Variants in EXOC4 observed in about 807,000 individuals in gnomAD.
The protein encoded by EXOC4 is exocyst complex component 4, also known as SEC8-like 1.
In EXOC4, 71 loss-of-function variants were observed where a neutral mutation model predicts 107.2. That is an observed-to-expected ratio of 0.66 (90% confidence interval 0.55 to 0.81). The LOEUF (loss-of-function observed/expected upper bound fraction) is 0.81, where lower values mean the gene tolerates loss of function less well. Ranked by LOEUF, EXOC4 falls within the 30% of genes least tolerant of loss-of-function variation. The pLI is 0.00. For missense variants in EXOC4, 1,108 were observed against 1,189.6 expected, an observed-to-expected ratio of 0.93 and a Z score of 1.01; for synonymous variants, 456 against 441.2, an observed-to-expected ratio of 1.03 and a Z score of -0.42.
intron 10 of EXOC4, among the ~76,000 whole-genome samples, chr7:133,679,929 A>AT (rs1794151812): frequency 1.3e-5 from 2 of 152,236 alleles, no homozygotes; most frequent in South Asian, 4.1e-4. Context: ...CTGTCTCAAT[A>AT]TTAAATAGTG....
At chr7:133,578,933 A>C (rs1313371014) in intron 9 of EXOC4, among the ~76,000 whole-genome samples, 2 of 152,168 alleles carry the variant, frequency 1.3e-5, no homozygotes, top group Non-Finnish European at 2.9e-5. Context: ...CTCTGCCCCT[A>C]TCTGAGAAAA....
intron 7 of EXOC4, among the ~76,000 whole-genome samples, chr7:133,437,078 A>C (rs1797993191): frequency 1.3e-5 from 2 of 152,162 alleles, no homozygotes; most frequent in South Asian, 4.1e-4. Context: ...CTCATTTTAA[A>C]ATTTTTTGAT....
chr7:133,976,074 C>T (rs1340667640), intron 14 of EXOC4, among the ~76,000 whole-genome samples: 1 of 151,990 alleles, frequency 6.6e-6, no homozygotes, highest in Non-Finnish European at 1.5e-5. Context: ...ACAAAATGTC[C>T]GGGGGGCCTG....
intron 1 of EXOC4, among the ~76,000 whole-genome samples, chr7:133,257,315 C>T (rs572460393): frequency 3.9e-5 from 6 of 152,174 alleles, no homozygotes; most frequent in Middle Eastern, 6.8e-3. Context: ...CAGACACACA[C>T]CTACTTTTCT....
chr7:133,826,018 A>T (rs1480435470), intron 11 of EXOC4, among the ~76,000 whole-genome samples: 2 of 152,116 alleles, frequency 1.3e-5, no homozygotes, highest in Admixed American at 6.5e-5. Flanking sequence ...TACTCTTGTT[A>T]TTTTATTTAT....
chr7:133,299,077 A>G (rs985290166), intron 3 of EXOC4, among the ~76,000 whole-genome samples: 40 of 152,226 alleles, frequency 2.6e-4, no homozygotes, highest in African/African-American at 9.6e-4. Flanking sequence ...ATTGGAAAGA[A>G]CTAGGTTAAA....
At chr7:133,746,208 T>C (rs1795674337) in intron 10 of EXOC4, among the ~76,000 whole-genome samples, 1 of 152,198 alleles carries the variant, frequency 6.6e-6, no homozygotes, top group African/African-American at 2.4e-5. Flanking sequence ...TGTTAGCTTT[T>C]AATCAGTCTG....
At chr7:133,977,169 A>G (rs1420933528) in intron 14 of EXOC4, among the ~76,000 whole-genome samples, 1 of 152,252 alleles carries the variant, frequency 6.6e-6, no homozygotes, top group African/African-American at 2.4e-5. Flanking sequence ...AAATTGAGTG[A>G]CCTTGCTAAG....
chr7:133,876,625 C>T (rs1401313897), intron 11 of EXOC4, among the ~76,000 whole-genome samples: 1 of 151,924 alleles, frequency 6.6e-6, no homozygotes, highest in East Asian at 1.9e-4. Context: ...ACTGCCAGGG[C>T]TTTAGTCAGA....
In EXOC4 at chr7:133,559,748, T is replaced by G. The variant is rs567368246; in HGVS notation, c.1418-70297T>G. On this transcript the variant is annotated intron_variant, in intron 9 of 17. Coordinates refer to ENST00000253861, the MANE Select transcript of EXOC4 (RefSeq NM_021807.4). ...CTTTGTCTTCATTTCTCATTTCTTT[T>G]TCATATATCGGCTTCATTGTTCTTT... is the stretch of plus-strand genomic sequence containing the variant. Among the ~76,000 whole-genome samples the G allele has an allele frequency of 1.1e-3, 168 of 152,350 alleles. 6 individuals carry two copies. In the South Asian group the frequency reaches 0.033, roughly 30 times the overall value.
In EXOC4 at chr7:133,374,939, G is replaced by A. The variant is rs139805919; in HGVS notation, c.1119G>A (p.Gln373=). 6.3e-5 allele frequency: 101 copies of A among 1,614,054 alleles called. No individual in the cohort carries two copies. In the African/African-American group the frequency reaches 7.5e-4, roughly 12 times the overall value. ...LQDTVVTPLT[Q]QEDIKLYDMA... Reference sequence around the variant, plus strand: ...ACACTGTAGTGACTCCACTGACTCAGCAGGAAGATATCAAACTGTATGATA... The same window carrying A: ...ACACTGTAGTGACTCCACTGACTCAACAGGAAGATATCAAACTGTATGATA... Residue 373 remains glutamine, a synonymous_variant, in exon 7 of 18, where the codon CAG becomes CAA. Transcript: ENST00000253861.
At chr7:133,832,190 A>G (rs183475812) in intron 11 of EXOC4, among the ~76,000 whole-genome samples, 2 of 152,326 alleles carry the variant, frequency 1.3e-5, no homozygotes, top group East Asian at 3.9e-4. Context: ...TTCTAGTGTT[A>G]CTTAGGTCAG....
chr7:133,918,076 G>A (rs1256818173), intron 13 of EXOC4, among the ~76,000 whole-genome samples: 2 of 151,204 alleles, frequency 1.3e-5, no homozygotes, highest in Non-Finnish European at 2.9e-5. Context: ...TCCACCTCCT[G>A]GGTTCACGCC....
chr7:133,994,757 T>TTGTGTGTG (rs68167254), intron 14 of EXOC4, among the ~76,000 whole-genome samples: 39 of 148,590 alleles, frequency 2.6e-4, no homozygotes, highest in African/African-American at 8.9e-4. Context: ...GTACAAGGTT[T>TTGTGTGTG]TGTGTGTGTG....
At chr7:133,325,942 C>T (rs1476581550) in intron 5 of EXOC4, among the ~76,000 whole-genome samples, 2 of 152,188 alleles carry the variant, frequency 1.3e-5, no homozygotes, top group Non-Finnish European at 2.9e-5. Context: ...AACTTCTCTT[C>T]TTGCTTCATT....
intron 9 of EXOC4, among the ~76,000 whole-genome samples, chr7:133,565,743 TG>T (rs556508398): frequency 1.2e-3 from 176 of 152,358 alleles, no homozygotes; most frequent in Non-Finnish European, 2.2e-3. Flanking sequence ...TCTGGGTTTT[TG>T]TTTTTGTTTG....
chr7:134,036,610 T>C (rs1245516294), intron 17 of EXOC4, among the ~76,000 whole-genome samples: 1 of 152,100 alleles, frequency 6.6e-6, no homozygotes. Flanking sequence ...AGAGAGAGAA[T>C]TCTCAGAACT....
chr7:133,598,105 A>G lies in EXOC4; in HGVS notation c.1418-31940A>G, dbSNP rs111380958. Among the ~76,000 whole-genome samples the G allele has an allele frequency of 3.0e-3, 451 of 152,260 alleles. 1 individual carries two copies. Among genetic ancestry groups the G allele is most frequent in the African/African-American group, 0.011 (438 of 41,552 alleles). ...AGACAAAAGGCTTATACCAGCTATCATGTCAGGAATATTCTAAGAAGCTAC... is the reference window on the plus strand; with the variant it reads ...AGACAAAAGGCTTATACCAGCTATCGTGTCAGGAATATTCTAAGAAGCTAC... On this transcript the variant is annotated intron_variant, in intron 9 of 17. Transcript: ENST00000253861.
intron 10 of EXOC4, among the ~76,000 whole-genome samples, chr7:133,693,743 A>C (rs969741588): frequency 6.6e-6 from 1 of 152,192 alleles, no homozygotes; most frequent in Non-Finnish European, 1.5e-5. Context: ...TAGCCTCCGT[A>C]GTCCCTGGCA....
Sources: gnomAD v4.1 joint callset for allele counts (sites outside exome capture counted in the v4.1 genomes callset) on GRCh38, gnomAD v4.1.1 for gene constraint, MANE v1.5 for transcripts, NCBI Gene and HGNC (gene_info 2026-07-23, HGNC 2026-07-21) for gene names.